Variants in SPATA3 observed in about 807,000 individuals in gnomAD.
The protein encoded by SPATA3 is spermatogenesis-associated protein 3.
Under a neutral mutation model 5.7 loss-of-function variants are expected in SPATA3, and 6 were observed. The observed-to-expected ratio is 1.06, with a 90% CI of 0.58 to 2.09. The LOEUF (loss-of-function observed/expected upper bound fraction) is 2.09, where lower values mean the gene tolerates loss of function less well. Among genes scored for constraint, SPATA3 ranks in the 30% most tolerant of loss-of-function variants. The pLI is 0.00. For synonymous variants in SPATA3, 44 were observed against 48.4 expected, an observed-to-expected ratio of 0.91 and a Z score of 0.37; for missense variants, 155 against 130.4, an observed-to-expected ratio of 1.19 and a Z score of -0.92.
downstream of SPATA3, among the ~76,000 whole-genome samples, chr2:231,005,370 T>C (rs1358283880): frequency 1.1e-3 from 42 of 36,738 alleles, no homozygotes; most frequent in East Asian, 3.0e-3. Context: ...ACCACCATCA[T>C]CACCACCATC....
chr2:231,009,737 G>A (rs1692734762), downstream of SPATA3, among the ~76,000 whole-genome samples: 1 of 152,230 alleles, frequency 6.6e-6, no homozygotes, highest in Admixed American at 6.5e-5. Flanking sequence ...CCGCTACTCT[G>A]TGGTTAGGTC....
At chr2:231,003,158 C>T (rs545617448), downstream of SPATA3, among the ~76,000 whole-genome samples, 12 of 152,294 alleles carry the variant, frequency 7.9e-5, no homozygotes, top group African/African-American at 2.9e-4. Context: ...TGTCTCCTAC[C>T]CAGTCCTACC....
intron 6 of SPATA3, among the ~76,000 whole-genome samples, chr2:231,016,766 C>G (rs957445417): frequency 1.3e-5 from 2 of 152,148 alleles, no homozygotes; most frequent in South Asian, 4.1e-4. Context: ...TAGGGGGCCC[C>G]TCCCACCCCT....
At chr2:231,011,437 A>G (rs1032047185), downstream of SPATA3, among the ~76,000 whole-genome samples, 7 of 152,286 alleles carry the variant, frequency 4.6e-5, no homozygotes, top group African/African-American at 1.4e-4. Flanking sequence ...TGGTCCCTGT[A>G]TAGTGATCCA....
chr2:231,004,935 T>A (rs1014008843), downstream of SPATA3, among the ~76,000 whole-genome samples: 1 of 149,812 alleles, frequency 6.7e-6, no homozygotes, highest in African/African-American at 2.5e-5. Context: ...ACCACCACTG[T>A]CAGCACCATC....
downstream of SPATA3, among the ~76,000 whole-genome samples, chr2:231,009,449 C>T (rs116795062): frequency 6.8e-3 from 1,035 of 152,246 alleles, 3 homozygotes; most frequent in African/African-American, 0.017. Context: ...GTCACAGTGA[C>T]GGGGGGATGC....
intron 5 of SPATA3, chr2:231,012,706 C>G (rs565832255): frequency 6.6e-6 from 1 of 152,104 alleles, no homozygotes. Flanking sequence ...AGGTGAGTCC[C>G]CGTAGCTGAA....
intron 1 of SPATA3, 122 bp from the exon 2 acceptor site, chr2:231,000,244 C>T (rs1025380241): frequency 4.3e-6 from 4 of 920,690 alleles, no homozygotes; most frequent in Non-Finnish European, 4.6e-6. Flanking sequence ...ATCCAGCGTT[C>T]GCCCTGGTAA....
At chr2:231,018,193 GGGACAA>G (rs1166055014) in intron 6 of SPATA3, among the ~76,000 whole-genome samples, 2 of 152,148 alleles carry the variant, frequency 1.3e-5, no homozygotes, top group Non-Finnish European at 2.9e-5. Flanking sequence ...CCAAAGTGCT[GGGACAA>G]CAGGCATGAG....
At chr2:230,998,144 CATAGCCTTG>C (rs1692199150) in intron 1 of SPATA3, among the ~76,000 whole-genome samples, 1 of 152,310 alleles carries the variant, frequency 6.6e-6, no homozygotes, top group South Asian at 2.1e-4. Flanking sequence ...CCCACGACTC[CATAGCCTTG>C]AACAGGCCAC....
At chr2:231,016,572 C>A (rs1351800062) in intron 6 of SPATA3, among the ~76,000 whole-genome samples, 2 of 151,818 alleles carry the variant, frequency 1.3e-5, no homozygotes, top group African/African-American at 2.4e-5. Flanking sequence ...ATAGTCCCAG[C>A]TACTTGGGAG....
At chr2:231,002,865 C>A, downstream of SPATA3, 1 of 978,732 alleles carries the variant, frequency 1.0e-6, no homozygotes, top group Non-Finnish European at 1.4e-6. Context: ...TGGAGGTGGT[C>A]TCTTCAGGTG....
chr2:231,005,310 CCACCATCATCAT>C (rs1692545724), downstream of SPATA3, among the ~76,000 whole-genome samples: 4 of 24,342 alleles, frequency 1.6e-4, no homozygotes, highest in South Asian at 1.2e-3. Flanking sequence ...ACCACCATCA[CCACCATCATCAT>C]CACCATCATC....
intron 1 of SPATA3, chr2:230,999,495 A>G (rs1407495811): frequency 1.3e-5 from 2 of 152,206 alleles, no homozygotes; most frequent in Non-Finnish European, 2.9e-5. Context: ...GTCTAAGCAG[A>G]AAGTGTATTG....
chr2:231,000,389 C>T (rs541887874), exon 2 of SPATA3: 1 of 1,525,572 alleles, frequency 6.6e-7, no homozygotes, highest in Admixed American at 2.1e-5. Flanking sequence ...CGCCGGCCCG[C>T]ATTCCTGCTC....
intron 6 of SPATA3, among the ~76,000 whole-genome samples, chr2:231,016,150 C>T (rs1175435149): frequency 6.6e-6 from 1 of 151,996 alleles, no homozygotes; most frequent in Non-Finnish European, 1.5e-5. Context: ...TGGGGACTCA[C>T]AAGACAGAAC....
intron 4 of SPATA3, among the ~76,000 whole-genome samples, chr2:231,012,387 G>A (rs377359067): frequency 3.3e-5 from 5 of 152,202 alleles, no homozygotes; most frequent in Admixed American, 6.5e-5. Context: ...TCGAGAATGA[G>A]TTCTCCTTTA....
At chr2:230,996,369 C>T in intron 1 of SPATA3, 1 of 1,543,884 alleles carries the variant, frequency 6.5e-7, no homozygotes, top group Non-Finnish European at 8.8e-7. Context: ...TGAATCCACA[C>T]CACAGCAGCC....
intron 6 of SPATA3, among the ~76,000 whole-genome samples, chr2:231,016,927 T>G (rs910064873): frequency 6.6e-6 from 1 of 152,240 alleles, no homozygotes; most frequent in Admixed American, 6.5e-5. Context: ...TCAGTTAAAA[T>G]GTACATTTCC....
Sources: allele counts gnomAD v4.1 joint callset (sites outside exome capture counted in the v4.1 genomes callset), GRCh38; gene constraint gnomAD v4.1.1; transcripts MANE v1.5; gene names NCBI Gene and HGNC (gene_info 2026-07-23, HGNC 2026-07-21).